The following SERPINB3 variants were observed in gnomAD, a reference collection of about 807,000 sequenced individuals.
SERPINB3 encodes the protein serpin family B member 3.
Under a neutral mutation model 33.0 loss-of-function variants are expected in SERPINB3, and 33 were observed. That is an observed-to-expected ratio of 1.00 (90% CI 0.76 to 1.34). The LOEUF (loss-of-function observed/expected upper bound fraction) is 1.34, where lower values mean the gene tolerates loss of function less well. Among genes scored for constraint, SERPINB3 ranks in the 40% most tolerant of loss-of-function variants. The pLI, the probability that SERPINB3 is intolerant of heterozygous loss-of-function variation, is 0.00. For missense variants in SERPINB3, 518 were observed against 461.5 expected, an observed-to-expected ratio of 1.12 and a Z score of -1.12; for synonymous variants, 200 against 170.9, an observed-to-expected ratio of 1.17 and a Z score of -1.33.
In SERPINB3 at chr18:63,659,467, A is replaced by G. The variant is rs1568171672; in HGVS notation, c.283T>C (p.Ser95Pro). Reference protein sequence around the residue: ...FQKLLTEFNKSTDAYELKIAN... With the variant: ...FQKLLTEFNKPTDAYELKIAN... The stretch of plus-strand genomic sequence containing the variant: ...ATCTTCAGCTCATATGCATCAGTGG[A>G]TTTGTTGAATTCAGTCAGAAGCTTT... The change falls in exon 4 of 8, where the codon TCC (serine) becomes CCC (proline). Residue 95 changes from serine (S) to proline (P), a missense_variant. By Grantham distance (74) the Ser-to-Pro change is moderately conservative. Coordinates refer to ENST00000283752, the MANE Select transcript of SERPINB3 (RefSeq NM_006919.3). 6.2e-7 allele frequency: 1 copy of G among 1,613,628 alleles called. No individual in the cohort carries two copies. Among genetic ancestry groups the G allele is most frequent in the Admixed American group, 1.7e-5 (1 of 59,958 alleles).
chr18:63,658,761 C>T, intron 4 of SERPINB3, 131 bp from the exon 5 acceptor site: 4 of 707,334 alleles, frequency 5.7e-6, no homozygotes, highest in South Asian at 2.0e-5. Context: ...CCTGTCCATG[C>T]ATATTTTTAT....
intron 7 of SERPINB3, 74 bp from the exon 8 acceptor site, chr18:63,656,135 T>C: frequency 6.6e-7 from 1 of 1,514,114 alleles, no homozygotes; most frequent in Non-Finnish European, 8.9e-7. Flanking sequence ...GAATTGACTA[T>C]GTGGAGAATC....
intron 4 of SERPINB3, 157 bp downstream of exon 4, chr18:63,659,242 A>C (rs1237106235): frequency 2.1e-5 from 16 of 757,428 alleles, no homozygotes; most frequent in Middle Eastern, 2.3e-4. Flanking sequence ...GGGACACTCC[A>C]GTGGGGGAGA....
chr18:63,656,458 T>A (rs1041504783), intron 7 of SERPINB3, among the ~76,000 whole-genome samples: 1 of 152,236 alleles, frequency 6.6e-6, no homozygotes, highest in Non-Finnish European at 1.5e-5. Context: ...CATTATTTAG[T>A]ACACATTGCA....
chr18:63,656,221 G>T (rs1275309634), intron 7 of SERPINB3, among the ~76,000 whole-genome samples, 160 bp from the exon 8 acceptor site: 1 of 152,104 alleles, frequency 6.6e-6, no homozygotes, highest in African/African-American at 2.4e-5. Context: ...CAAAATATGA[G>T]TCCTGGATAT....
chr18:63,661,325 A>G (rs1420769747), intron 1 of SERPINB3, 83 bp from the exon 2 acceptor site: 8 of 1,425,420 alleles, frequency 5.6e-6, no homozygotes, highest in African/African-American at 4.3e-5. Context: ...AAGAAATTAT[A>G]TATCTGTGTT....
rs2144492498 is a variant in SERPINB3, at chr18:63,656,946, G to A, written c.653C>T (p.Ser218Phe). The A allele has an allele frequency of 6.2e-7, 1 of 1,613,236 alleles. No individual in the cohort carries two copies. The highest frequency in any genetic ancestry group is 8.5e-7 in the Non-Finnish European group (1 of 1,179,468). ...KSIQMMRQYT[S>F]FHFASLEDVQ... The stretch of plus-strand genomic sequence containing the variant: ...ATCCTCCAGCGAGGCAAAATGAAAA[G>A]ATGTGTATTGCCTCATCATCTGTAT... The change falls in exon 7 of 8, where the codon TCT becomes TTT. Residue 218 changes from serine to phenylalanine, a missense_variant. Physicochemically the swap from Ser to Phe is radical, Grantham distance 155. Transcript: ENST00000283752.
Position 63,661,047 on chromosome 18 carries a change from G to T in SERPINB3, c.165+5C>A. 6.2e-7 allele frequency: 1 copy of T among 1,613,446 alleles called. No homozygotes were observed. The highest frequency in any genetic ancestry group is 8.5e-7 in the Non-Finnish European group (1 of 1,179,604). On this transcript the variant is annotated splice_donor_5th_base_variant and intron_variant, in intron 2 of 7. Coordinates refer to ENST00000283752, the MANE Select transcript of SERPINB3 (RefSeq NM_006919.3). ...ACAGGACAACATAATGATGCTGATA[G>T]CTACCTTCTTAATCTGTTGTGCAGT...
Position 63,657,281 on chromosome 18 carries a change from A to G in SERPINB3, c.601T>C (p.Trp201Arg). 1.3e-6 allele frequency: 2 copies of G among 1,573,560 alleles called. No individual in the cohort carries two copies. Among genetic ancestry groups the G allele is most frequent in the Non-Finnish European group, 8.7e-7 (1 of 1,153,214 alleles). The change falls in exon 6 of 8, where the codon TGG becomes CGG. Residue 201 changes from tryptophan to arginine, a missense_variant. Coordinates refer to ENST00000283752, the MANE Select transcript of SERPINB3 (RefSeq NM_006919.3). ...AATATAGACAATACCTTGTTTGGCCAAAATTTTTCCTCTTTAGTATCTTCT... is the reference window on the plus strand; with the variant it reads ...AATATAGACAATACCTTGTTTGGCCGAAATTTTTCCTCTTTAGTATCTTCT... The part of the protein sequence containing the change: ...NKEDTKEEKF[W>R]PNKNTYKSIQ...
At chr18:63,661,510 A>G (rs1260480193) in intron 1 of SERPINB3, among the ~76,000 whole-genome samples, 1 of 152,126 alleles carries the variant, frequency 6.6e-6, no homozygotes, top group Admixed American at 6.6e-5. Context: ...TGGCTACACT[A>G]GGGCTAGGTA....
chr18:63,658,611 T>C lies in SERPINB3; in HGVS notation c.371A>G (p.Lys124Arg). Residue 124 changes from lysine (K) to arginine (R), a missense_variant, in exon 5 of 8, where the codon AAG becomes AGG. Transcript: ENST00000283752. ...TTCCACACTGGTCTGGTAAAATTTC[T>C]TGATGGCATCTAAATATTCCTTTGA... ...LFLQEYLDAI[K>R]KFYQTSVESV... is the part of the protein sequence containing the mutation. The C allele has an allele frequency of 6.2e-7, 1 of 1,612,282 alleles. No homozygotes were observed. The highest frequency in any genetic ancestry group is 8.5e-7 in the Non-Finnish European group (1 of 1,178,572).
chr18:63,660,913 A>G, intron 2 of SERPINB3, 57 bp from the exon 3 acceptor site: 1 of 1,612,674 alleles, frequency 6.2e-7, no homozygotes. Context: ...TGTTTAAGTC[A>G]GTGGTCTCAC....
In SERPINB3 at chr18:63,657,178, C is replaced by T. The variant is rs138850123; in HGVS notation, c.612+92G>A. On this transcript the variant is annotated intron_variant, in intron 6 of 7. Transcript: ENST00000283752. ...AAAACAACAAAAAAACAGACATGAACAATTTTATTTTTTACTTGTCATGGT... is the reference window on the plus strand; with the variant it reads ...AAAACAACAAAAAAACAGACATGAATAATTTTATTTTTTACTTGTCATGGT... 1.2e-4 allele frequency: 111 copies of T among 912,618 alleles called. No individual in the cohort carries two copies. In the African/African-American group the frequency reaches 1.5e-3, roughly 12 times the overall value. The allele number at this position is 912,618 out of a possible 1,614,324, so 56.5% of individuals were successfully genotyped here. A position where few individuals can be genotyped will look rare whatever the true frequency, so the allele number is the denominator to read the frequency against.
chr18:63,655,589 C>T lies in SERPINB3; in HGVS notation c.*68G>A. 6.7e-7 allele frequency: 1 copy of T among 1,482,452 alleles called. No homozygotes were observed. The highest frequency in any genetic ancestry group is 1.4e-5 in the South Asian group (1 of 73,474). 91.8% of individuals were successfully genotyped at this position (1,482,452 alleles called of 1,614,324 possible). A position where few individuals can be genotyped will look rare whatever the true frequency, so the allele number is the denominator to read the frequency against. ...TATGAGCCAAGAGAATCTGTTGTTG[C>T]CAGCAATCAGTTTACCAGAACATCT... On this transcript the variant is annotated 3_prime_UTR_variant, in exon 8 of 8. Coordinates refer to ENST00000283752, the MANE Select transcript of SERPINB3 (RefSeq NM_006919.3).
In SERPINB3 at chr18:63,656,049, G is replaced by C. The variant is rs1473058553; in HGVS notation, c.781C>G (p.Leu261Val). The change falls in exon 8 of 8, where the codon CTC becomes GTC. Residue 261 changes from leucine to valine, a missense_variant. Transcript: ENST00000283752. ...IDGLQKLEEK[L>V]TAEKLMEWTS... ...CATTCCATCAATTTCTCAGCAGTGA[G>C]TTTCTCTTCAAGCTATACAAATGGA... The C allele has an allele frequency of 5.0e-6, 8 of 1,613,470 alleles. No individual in the cohort carries two copies. Among genetic ancestry groups the C allele is most frequent in the Non-Finnish European group, 6.8e-6 (8 of 1,179,624 alleles).
chr18:63,655,836 C>T lies in SERPINB3; in HGVS notation c.994G>A (p.Ala332Thr). The T allele has an allele frequency of 6.2e-7, 1 of 1,614,002 alleles. No homozygotes were observed. Among genetic ancestry groups the T allele is most frequent in the Non-Finnish European group, 8.5e-7 (1 of 1,179,954 alleles). ...CCCTCCTCTGTAACCTCCACAAAGGCCTTGTGTAGGACTCCAGATAGCACG... is the reference window on the plus strand; with the variant it reads ...CCCTCCTCTGTAACCTCCACAAAGGTCTTGTGTAGGACTCCAGATAGCACG... Reference protein sequence around the residue: ...GLVLSGVLHKAFVEVTEEGAE... With the variant: ...GLVLSGVLHKTFVEVTEEGAE... The change falls in exon 8 of 8, where the codon GCC becomes ACC. Residue 332 changes from alanine to threonine, a missense_variant. By Grantham distance (58) the Ala-to-Thr change is moderately conservative (BLOSUM62 0). Coordinates refer to ENST00000283752, the MANE Select transcript of SERPINB3 (RefSeq NM_006919.3).
chr18:63,658,358 A>G (rs1913551812), intron 5 of SERPINB3, among the ~76,000 whole-genome samples, 155 bp downstream of exon 5: 1 of 151,994 alleles, frequency 6.6e-6, no homozygotes, highest in African/African-American at 2.4e-5. Flanking sequence ...CTCTCTTCAT[A>G]ATCATTTGGA....
intron 3 of SERPINB3, among the ~76,000 whole-genome samples, chr18:63,660,087 G>T (rs1317174253): frequency 6.6e-6 from 1 of 152,076 alleles, no homozygotes; most frequent in Non-Finnish European, 1.5e-5. Flanking sequence ...TAAGTCTTTA[G>T]TTCAATTCAG....
At chr18:63,659,655 A>G in intron 3 of SERPINB3, 128 bp from the exon 4 acceptor site, 5 of 1,269,380 alleles carry the variant, frequency 3.9e-6, no homozygotes, top group South Asian at 1.4e-5. Context: ...TTATTCCCTG[A>G]TACTTGGTGT....
Sources: allele counts gnomAD v4.1 joint callset (sites outside exome capture counted in the v4.1 genomes callset), GRCh38; gene constraint gnomAD v4.1.1; transcripts MANE v1.5; gene names NCBI Gene and HGNC (gene_info 2026-07-23, HGNC 2026-07-21).